SLC35D4: variants seen among roughly 807,000 people sequenced by gnomAD.
The protein encoded by SLC35D4 is solute carrier family 35 member D4.
chr18:23,253,657 TGGG>T, the SLC35D4 span: 2 of 1,248,418 alleles, frequency 1.6e-6, no homozygotes, highest in Non-Finnish European at 2.3e-6. Flanking sequence ...GCATTCAAGA[TGGG>T]GGAGTTTTTC....
chr18:23,270,837 A>G, the SLC35D4 span, among the ~76,000 whole-genome samples: 2 of 152,232 alleles, frequency 1.3e-5, no homozygotes, highest in Non-Finnish European at 2.9e-5. Flanking sequence ...AACGCACTGG[A>G]CAGTTACAAT....
At chr18:23,362,918 T>C in the SLC35D4 span, among the ~76,000 whole-genome samples, 1 of 152,152 alleles carries the variant, frequency 6.6e-6, no homozygotes, top group East Asian at 1.9e-4. Flanking sequence ...ACCTCTTAGC[T>C]GAAGGGCAGC....
the SLC35D4 span, among the ~76,000 whole-genome samples, chr18:23,326,324 C>G: frequency 6.6e-6 from 1 of 152,040 alleles, no homozygotes; most frequent in Admixed American, 6.5e-5. Context: ...CGTGCAAAGA[C>G]GCACATAGGC....
At chr18:23,351,645 C>T in the SLC35D4 span, among the ~76,000 whole-genome samples, 1 of 152,104 alleles carries the variant, frequency 6.6e-6, no homozygotes, top group African/African-American at 2.4e-5. Context: ...CAACTTGCCT[C>T]CCTCACAGGC....
chr18:23,261,857 T>A, the SLC35D4 span, among the ~76,000 whole-genome samples: 1 of 152,248 alleles, frequency 6.6e-6, no homozygotes, highest in East Asian at 1.9e-4. Context: ...GGAATGCTTT[T>A]GCACCATCAT....
At chr18:23,394,168 C>T in the SLC35D4 span, among the ~76,000 whole-genome samples, 4 of 152,192 alleles carry the variant, frequency 2.6e-5, no homozygotes, top group East Asian at 7.7e-4. Flanking sequence ...CTGTGCATTC[C>T]CACCCGTGGT....
chr18:23,363,519 C>G, the SLC35D4 span, among the ~76,000 whole-genome samples: 1 of 151,376 alleles, frequency 6.6e-6, no homozygotes, highest in Non-Finnish European at 1.5e-5. Flanking sequence ...GGACTACAGG[C>G]GCCCGCCACC....
At chr18:23,255,400 G>A in the SLC35D4 span, among the ~76,000 whole-genome samples, 2 of 152,250 alleles carry the variant, frequency 1.3e-5, no homozygotes, top group South Asian at 2.1e-4. Flanking sequence ...CTCCCCAATT[G>A]AAAAGAGTAT....
the SLC35D4 span, chr18:23,437,747 G>A: frequency 3.1e-6 from 5 of 1,599,758 alleles, no homozygotes; most frequent in East Asian, 2.3e-5. Context: ...AACCTCCCAC[G>A]TGCAATCGCT....
the SLC35D4 span, among the ~76,000 whole-genome samples, chr18:23,347,335 A>C: frequency 3.3e-5 from 5 of 152,308 alleles, no homozygotes; most frequent in South Asian, 1.0e-3. Context: ...TACAATATAC[A>C]ATCCTTTTAG....
the SLC35D4 span, among the ~76,000 whole-genome samples, chr18:23,260,722 G>A: frequency 1.3e-5 from 2 of 151,964 alleles, no homozygotes; most frequent in South Asian, 4.1e-4. Context: ...GGTTGGGGAT[G>A]GGGGCGCGCC....
At chr18:23,427,064 C>T in the SLC35D4 span, among the ~76,000 whole-genome samples, 2 of 152,110 alleles carry the variant, frequency 1.3e-5, no homozygotes, top group African/African-American at 2.4e-5. Flanking sequence ...CCACAGAAAC[C>T]CTAGAAGAAA....
chr18:23,432,680 C>CAAAA, the SLC35D4 span, among the ~76,000 whole-genome samples: 2 of 80,292 alleles, frequency 2.5e-5, 1 homozygote, highest in Non-Finnish European at 5.2e-5. Context: ...GACTCCTTCT[C>CAAAA]AAAAAAAAAA....
the SLC35D4 span, among the ~76,000 whole-genome samples, chr18:23,313,897 C>T: frequency 6.6e-6 from 1 of 152,222 alleles, no homozygotes; most frequent in African/African-American, 2.4e-5. Flanking sequence ...ACTCTGATCT[C>T]CAACCCAGGG....
chr18:23,384,617 T>A, the SLC35D4 span, among the ~76,000 whole-genome samples: 1 of 152,314 alleles, frequency 6.6e-6, no homozygotes, highest in East Asian at 1.9e-4. Context: ...AAAAGCAAAT[T>A]TCCCTGGGGT....
At chr18:23,261,299 A>G in the SLC35D4 span, among the ~76,000 whole-genome samples, 2 of 152,042 alleles carry the variant, frequency 1.3e-5, no homozygotes, top group Non-Finnish European at 2.9e-5. Context: ...ACCTTATTCC[A>G]GTCTGGGCAA....
chr18:23,392,499 C>G, the SLC35D4 span, among the ~76,000 whole-genome samples: 1 of 152,210 alleles, frequency 6.6e-6, no homozygotes, highest in East Asian at 1.9e-4. Flanking sequence ...TTCCCAGCCT[C>G]CAGTACAAGC....
the SLC35D4 span, among the ~76,000 whole-genome samples, chr18:23,373,213 G>A: frequency 6.6e-6 from 1 of 152,146 alleles, no homozygotes; most frequent in Non-Finnish European, 1.5e-5. Context: ...TACTCGGGAG[G>A]CTGAGGCAGG....
the SLC35D4 span, among the ~76,000 whole-genome samples, chr18:23,399,231 C>T: frequency 5.9e-5 from 9 of 152,322 alleles, no homozygotes; most frequent in South Asian, 1.0e-3. Context: ...GGCCCTGCCT[C>T]CCTGCTCCTG....
Sources: allele counts gnomAD v4.1 joint callset (sites outside exome capture counted in the v4.1 genomes callset), GRCh38; gene constraint gnomAD v4.1.1; transcripts MANE v1.5; gene names NCBI Gene and HGNC (gene_info 2026-07-23, HGNC 2026-07-21).